RSPH6A: variants seen among roughly 807,000 people sequenced by gnomAD.
RSPH6A encodes the protein radial spoke head 6 homolog A.
RSPH6A carries 49 observed loss-of-function variants against 66.1 expected under a neutral mutation model. The observed-to-expected ratio is 0.74, with a 90% CI of 0.59 to 0.94. The LOEUF (loss-of-function observed/expected upper bound fraction) is 0.94, where lower values mean the gene tolerates loss of function less well. Among genes scored for constraint, RSPH6A ranks in the 40% least tolerant of loss-of-function variants. The probability of loss-of-function intolerance (pLI) is 0.00; values close to 1 mark genes in which losing one functional copy is unlikely to be tolerated. For synonymous variants in RSPH6A, 419 were observed against 402.4 expected (o/e 1.04, Z -0.49); for missense variants, 977 against 948.3 (o/e 1.03, Z -0.40).
chr19:45,806,049 C>T (rs947122771), intron 2 of RSPH6A, among the ~76,000 whole-genome samples: 11 of 152,186 alleles, frequency 7.2e-5, no homozygotes, highest in African/African-American at 2.7e-4. Flanking sequence ...CTTCTTGCTC[C>T]TGTAACAAAG....
chr19:45,808,422 G>A (rs537740344), intron 2 of RSPH6A, among the ~76,000 whole-genome samples: 39 of 150,660 alleles, frequency 2.6e-4, no homozygotes, highest in Non-Finnish European at 5.0e-4. Flanking sequence ...GCAAGACTCC[G>A]TCTCAAAAAC....
intron 2 of RSPH6A, among the ~76,000 whole-genome samples, chr19:45,806,676 A>C: frequency 2.1e-4 from 1 of 4,740 alleles, no homozygotes; most frequent in Admixed American, 1.6e-3. Context: ...GTCTCAAAAA[A>C]AAAAAAAAAA....
intron 5 of RSPH6A, among the ~76,000 whole-genome samples, chr19:45,798,763 C>T (rs1473629014): frequency 3.3e-5 from 5 of 150,032 alleles, no homozygotes; most frequent in Non-Finnish European, 7.4e-5. Flanking sequence ...GGCATGAACC[C>T]GGGAGGCGGA....
At chr19:45,810,257 G>A (rs920745653) in intron 2 of RSPH6A, among the ~76,000 whole-genome samples, 4 of 150,416 alleles carry the variant, frequency 2.7e-5, no homozygotes, top group Non-Finnish European at 4.4e-5. Context: ...GCCAAGCTCC[G>A]CCTCCTGGGT....
rs1970401090 is a variant in RSPH6A at position 45,795,791 on chromosome 19, A to G, written c.*78T>C. On this transcript the variant is annotated 3_prime_UTR_variant, in exon 6 of 6. Transcript: ENST00000221538. The stretch of plus-strand genomic sequence containing the variant: ...TCTGGGGACAGGAAGCACATAGTGA[A>G]AATATAATCCATGCTAACTACCTCT... 7.7e-7 allele frequency: 1 copy of G among 1,304,776 alleles called. No individual in the cohort carries two copies. Among genetic ancestry groups the G allele is most frequent in the South Asian group, 1.4e-5 (1 of 72,646 alleles). 80.8% of individuals were successfully genotyped at this position (1,304,776 alleles called of 1,614,324 possible). A position where few individuals can be genotyped will look rare whatever the true frequency, so the allele number is the denominator to read the frequency against.
chr19:45,805,730 G>C (rs1970535971), intron 2 of RSPH6A, among the ~76,000 whole-genome samples: 1 of 152,026 alleles, frequency 6.6e-6, no homozygotes, highest in Admixed American at 6.6e-5. Flanking sequence ...AAACCTAAAA[G>C]ATTCTGTAAC....
rs771067953 is a variant in RSPH6A, at chr19:45,814,826, G to A, written c.351C>T (p.Ser117=). The A allele has an allele frequency of 6.2e-7, 1 of 1,614,146 alleles. No homozygotes were observed. The highest frequency in any genetic ancestry group is 8.5e-7 in the Non-Finnish European group (1 of 1,180,008). The change falls in exon 1 of 6, where the codon AGC becomes AGT. Residue 117 remains serine, a synonymous_variant. Coordinates refer to ENST00000221538, the MANE Select transcript of RSPH6A (RefSeq NM_030785.4). The part of the protein sequence containing the change: ...SRMQVAELTT[S]LMLQRLQQGQ... ...CCTGCTGGAGCCGCTGCAGCATTAG[G>A]CTGGTGGTGAGCTCGGCGACCTGCA...
intron 3 of RSPH6A, among the ~76,000 whole-genome samples, chr19:45,803,199 A>G (rs1344204514): frequency 7.7e-6 from 1 of 130,604 alleles, no homozygotes; most frequent in Admixed American, 8.4e-5. Context: ...ATAGAGCGAG[A>G]CTCCGTCTCA....
chr19:45,808,711 G>T (rs553121150), intron 2 of RSPH6A, among the ~76,000 whole-genome samples: 47 of 140,574 alleles, frequency 3.3e-4, no homozygotes, highest in African/African-American at 1.0e-3. Flanking sequence ...GCCCAGGCTG[G>T]AGTACAGAGG....
At chr19:45,809,865 A>G (rs1970599313) in intron 2 of RSPH6A, among the ~76,000 whole-genome samples, 1 of 152,260 alleles carries the variant, frequency 6.6e-6, no homozygotes, top group Non-Finnish European at 1.5e-5. Context: ...GCCGTCTGGA[A>G]GACAGAAAAC....
In RSPH6A at chr19:45,810,731, G is replaced by C. The variant is rs1170073094; in HGVS notation, c.760C>G (p.Pro254Ala). ...TCGTCCCGCAGCGTGTCCAGCTTGG[G>C]GTGGAACCACTCCCACTGCGTGGTG... Reference protein sequence around the residue: ...NRTTQWEWFHPKLDTLRDDPE... With the variant: ...NRTTQWEWFHAKLDTLRDDPE... The change falls in exon 2 of 6, where the codon CCC becomes GCC. Residue 254 changes from proline (P) to alanine (A), a missense_variant. Pro to Ala is a conservative substitution (Grantham distance 27). Coordinates refer to ENST00000221538, the MANE Select transcript of RSPH6A (RefSeq NM_030785.4). 2.5e-6 allele frequency: 4 copies of C among 1,614,022 alleles called. No individual in the cohort carries two copies. The highest frequency in any genetic ancestry group is 2.5e-6 in the Non-Finnish European group (3 of 1,180,038).
chr19:45,814,595 A>C lies in RSPH6A; in HGVS notation c.582T>G (p.Pro194=), dbSNP rs1402334237. Reference sequence around the variant, plus strand: ...TGGCGTTCTGCACGGCCAGCTCCAGAGGCTCGGGCTCAGGCACCTGGGCAC... The same window carrying C: ...TGGCGTTCTGCACGGCCAGCTCCAGCGGCTCGGGCTCAGGCACCTGGGCAC... ...HYSAQVPEPE[P]LELAVQNAKA... is the part of the protein sequence containing the mutation. Residue 194 remains proline, a synonymous_variant, in exon 1 of 6, where the codon CCT becomes CCG. Transcript: ENST00000221538. 1 of 1,561,362 alleles carries C rather than the reference A, an allele frequency of 6.4e-7. No homozygotes were observed. Among genetic ancestry groups the C allele is most frequent in the Non-Finnish European group, 8.6e-7 (1 of 1,156,192 alleles).
Position 45,804,904 on chromosome 19 carries a change from AC to A in RSPH6A, c.1000del (p.Val334TrpfsTer44), listed in dbSNP as rs750109758. 6.2e-6 allele frequency: 10 copies of A among 1,614,010 alleles called. No homozygotes were observed. Among genetic ancestry groups the A allele is most frequent in the African/African-American group, 2.7e-5 (2 of 74,896 alleles). On this transcript the variant is annotated frameshift_variant, in exon 3 of 6. Coordinates refer to ENST00000221538, the MANE Select transcript of RSPH6A (RefSeq NM_030785.4). LOFTEE classifies it high-confidence loss of function. The surrounding 1 kb of genome is among the most constrained non-coding windows in gnomAD (Gnocchi z 5.8). Reference protein sequence around the residue: ...FRIFLAMKQLVEQQPIHTCRF... With the variant: ...FRIFLAMKQLXEQQPIHTCRF... Reference sequence around the variant, plus strand: ...ACAGGTGTGGATGGGCTGCTGCTCCACCAGCTGTTTCATGGCCAGGAAAATG... The same window carrying A: ...ACAGGTGTGGATGGGCTGCTGCTCCACAGCTGTTTCATGGCCAGGAAAATG...
chr19:45,796,616 G>C (rs958797814), intron 5 of RSPH6A, among the ~76,000 whole-genome samples: 9 of 151,490 alleles, frequency 5.9e-5, no homozygotes, highest in Admixed American at 5.3e-4. Flanking sequence ...GGGTTCAAGT[G>C]ATTCTCCCAC....
chr19:45,814,582 C>A lies in RSPH6A; in HGVS notation c.595G>T (p.Val199Leu), dbSNP rs757340184. 6.5e-7 allele frequency: 1 copy of A among 1,548,724 alleles called. No homozygotes were observed. Among genetic ancestry groups the A allele is most frequent in the Non-Finnish European group, 8.7e-7 (1 of 1,149,620 alleles). The change falls in exon 1 of 6, where the codon GTG becomes TTG. Residue 199 changes from valine (V) to leucine (L), a missense_variant. Transcript: ENST00000221538. ...VPEPEPLELAVQNAKAYLLQT... is the reference protein window; with the variant it reads ...VPEPEPLELALQNAKAYLLQT... ...AGCAGGTAGGCCTTGGCGTTCTGCACGGCCAGCTCCAGAGGCTCGGGCTCA... is the reference window on the plus strand; with the variant it reads ...AGCAGGTAGGCCTTGGCGTTCTGCAAGGCCAGCTCCAGAGGCTCGGGCTCA...
chr19:45,807,073 T>C (rs980941379), intron 2 of RSPH6A, among the ~76,000 whole-genome samples: 7 of 151,178 alleles, frequency 4.6e-5, no homozygotes, highest in African/African-American at 1.7e-4. Flanking sequence ...TTTGTATTTT[T>C]AGTAGAGATG....
Position 45,804,558 on chromosome 19 carries a change from G to A in RSPH6A, c.1347C>T (p.Ile449=), listed in dbSNP as rs1970515182. The A allele has an allele frequency of 9.9e-6, 16 of 1,614,204 alleles. No homozygotes were observed. The East Asian group carries it at 2.9e-4, about 29-fold the overall frequency. Residue 449 remains isoleucine, a synonymous_variant, in exon 3 of 6, where the codon ATC becomes ATT. Transcript: ENST00000221538. The surrounding 1 kb of genome is among the most constrained non-coding windows in gnomAD (Gnocchi z 5.8). ...TRLPHVTPAQ[I]VNARKIKKFF... ...ACTTCTTGATCTTTCGGGCGTTCAC[G>A]ATCTGGGCTGGAGTGACGTGGGGCA...
chr19:45,802,030 G>C, intron 4 of RSPH6A, 90 bp downstream of exon 4: 7 of 1,268,124 alleles, frequency 5.5e-6, no homozygotes, highest in Non-Finnish European at 7.2e-6. Context: ...GGGAAGGACC[G>C]GGGAGATGGA....
At position 45,814,699 on chromosome 19, in the gene RSPH6A, C is replaced by G; in HGVS notation, c.478G>C (p.Gly160Arg). 1 of 1,612,888 alleles carries G rather than the reference C, an allele frequency of 6.2e-7. No individual in the cohort carries two copies. The highest frequency in any genetic ancestry group is 8.5e-7 in the Non-Finnish European group (1 of 1,179,388). Residue 160 changes from glycine to arginine, a missense_variant, in exon 1 of 6, where the codon GGT becomes CGT. Coordinates refer to ENST00000221538, the MANE Select transcript of RSPH6A (RefSeq NM_030785.4). ...CTTATGTAAGGCCCGTGCTGGGCAC[C>G]TTCAGAGAACTGGTCTGTCTGGTAG... ...NLYQTDQFSE[G>R]AQHGPYIRDD...
Sources: allele counts gnomAD v4.1 joint callset (sites outside exome capture counted in the v4.1 genomes callset), GRCh38; gene constraint gnomAD v4.1.1; non-coding constraint Gnocchi (gnomAD v3.1); transcripts MANE v1.5; gene names NCBI Gene and HGNC (gene_info 2026-07-23, HGNC 2026-07-21).